The following CLEC16A variants were observed in gnomAD, a reference collection of about 807,000 sequenced individuals.
CLEC16A encodes C-type lectin domain containing 16A.
In CLEC16A, 51 loss-of-function variants were observed where a neutral mutation model predicts 109.5. That is an observed-to-expected ratio of 0.47 (90% CI 0.37 to 0.59). The LOEUF (loss-of-function observed/expected upper bound fraction) is 0.59, where lower values mean the gene tolerates loss of function less well. Among genes scored for constraint, CLEC16A ranks in the 20% least tolerant of loss-of-function variants. CLEC16A has a pLI of 0.00. For synonymous variants in CLEC16A, 673 were observed against 564.2 expected, an observed-to-expected ratio of 1.19 and a Z score of -2.73; for missense variants, 1,339 against 1,394.0, an observed-to-expected ratio of 0.96 and a Z score of 0.63.
chr16:10,944,708 G>T lies in CLEC16A; in HGVS notation c.-10G>T, dbSNP rs1278838022. ...GACCGTGAGACGAGAGACGGGTCGG[G>T]GCCGCCGACATGTTTGGCCGCTCGC... On this transcript the variant is annotated 5_prime_UTR_variant, in exon 1 of 24. Coordinates refer to ENST00000409790, the MANE Select transcript of CLEC16A (RefSeq NM_015226.3). 9 of 1,601,576 alleles carry T rather than the reference G, an allele frequency of 5.6e-6. No individual in the cohort carries two copies. Among genetic ancestry groups the T allele is most frequent in the Non-Finnish European group, 7.7e-6 (9 of 1,174,964 alleles).
chr16:11,046,552 C>T (rs1597189388), intron 16 of CLEC16A, among the ~76,000 whole-genome samples: 1 of 152,064 alleles, frequency 6.6e-6, no homozygotes, highest in Non-Finnish European at 1.5e-5. Context: ...TAGAGATTAC[C>T]ATGACAGTGA....
At chr16:10,985,565 T>C (rs974082237) in intron 10 of CLEC16A, among the ~76,000 whole-genome samples, 4 of 151,358 alleles carry the variant, frequency 2.6e-5, no homozygotes, top group Non-Finnish European at 5.9e-5. Context: ...TTTTTTTAGT[T>C]GCATGATTTC....
chr16:10,949,556 C>T (rs7205474), intron 1 of CLEC16A, among the ~76,000 whole-genome samples: 33,745 of 151,716 alleles, frequency 0.22, 4,640 homozygotes, highest in African/African-American at 0.39. Context: ...GGGGAGTGTT[C>T]ACTGGGTGAA....
chr16:11,113,636 G>T (rs1203660474), intron 19 of CLEC16A, among the ~76,000 whole-genome samples: 1 of 152,128 alleles, frequency 6.6e-6, no homozygotes, highest in Non-Finnish European at 1.5e-5. Context: ...TCCAGCCTGG[G>T]TGACAGAGTG....
intron 19 of CLEC16A, among the ~76,000 whole-genome samples, chr16:11,107,246 A>ATT (rs34729335): frequency 0.028 from 4,244 of 149,500 alleles, 211 homozygotes; most frequent in African/African-American, 0.098. Flanking sequence ...CCACCAGTAC[A>ATT]TTTTTTTTTT....
chr16:10,994,471 C>T (rs1405526328), intron 10 of CLEC16A, among the ~76,000 whole-genome samples: 1 of 152,164 alleles, frequency 6.6e-6, no homozygotes, highest in East Asian at 1.9e-4. Flanking sequence ...CCTTTTTCAG[C>T]CAGTGGCCAA....
chr16:11,120,508 C>G (rs567846704), intron 19 of CLEC16A, 107 bp from the exon 20 acceptor site: 4 of 1,232,854 alleles, frequency 3.2e-6, no homozygotes, highest in East Asian at 2.7e-5. Flanking sequence ...GGCCTGGGCT[C>G]TAACCACTGA....
At chr16:11,071,556 A>G (rs2076889961) in intron 19 of CLEC16A, among the ~76,000 whole-genome samples, 1 of 150,784 alleles carries the variant, frequency 6.6e-6, no homozygotes, top group Non-Finnish European at 1.5e-5. Context: ...ACATTTGCAT[A>G]TGGATTGTGA....
chr16:10,957,569 C>T (rs907970139), intron 1 of CLEC16A, among the ~76,000 whole-genome samples: 1 of 152,188 alleles, frequency 6.6e-6, no homozygotes, highest in African/African-American at 2.4e-5. Context: ...TTCTTGTCTC[C>T]GTCTGGGTTG....
chr16:11,088,540 A>G (rs2050132873), intron 19 of CLEC16A, among the ~76,000 whole-genome samples: 1 of 152,194 alleles, frequency 6.6e-6, no homozygotes, highest in Admixed American at 6.5e-5. Flanking sequence ...ACCCCTGGGT[A>G]GGAAGCTTGG....
rs2068653374 is a variant in CLEC16A, at chr16:11,174,296, C to T, written c.2807-4039C>T. ...AATTCAGGCAGGTCTCCCCTGTGAG[C>T]CGCTCGGGCCGCGACGTCCACTCGC... On this transcript the variant is annotated intron_variant, in intron 23 of 23. Coordinates refer to ENST00000409790, the MANE Select transcript of CLEC16A (RefSeq NM_015226.3). The surrounding 1 kb of genome is among the most constrained non-coding windows in gnomAD (Gnocchi z 4.7). The T allele has an allele frequency of 6.7e-6, 3 of 447,614 alleles. No individual in the cohort carries two copies. Among genetic ancestry groups the T allele is most frequent in the Non-Finnish European group, 1.4e-5 (3 of 217,746 alleles). The allele number at this position is 447,614 out of a possible 1,614,324, so 27.7% of individuals were successfully genotyped here.
intron 11 of CLEC16A, among the ~76,000 whole-genome samples, chr16:11,004,915 C>A (rs1352681382): frequency 6.6e-6 from 1 of 152,152 alleles, no homozygotes; most frequent in Non-Finnish European, 1.5e-5. Flanking sequence ...AGGCCAAACC[C>A]AAGGTAAGCC....
chr16:11,103,451 A>G (rs556439915), intron 19 of CLEC16A, among the ~76,000 whole-genome samples: 2 of 152,258 alleles, frequency 1.3e-5, no homozygotes, highest in South Asian at 2.1e-4. Flanking sequence ...GTGGTGGCGC[A>G]TGCCTGTTGT....
At chr16:10,949,532 C>T (rs180705782) in intron 1 of CLEC16A, among the ~76,000 whole-genome samples, 1 of 152,232 alleles carries the variant, frequency 6.6e-6, no homozygotes, top group Admixed American at 6.5e-5. Flanking sequence ...TGGCAGAACT[C>T]ACGTGGTTCA....
intron 22 of CLEC16A, among the ~76,000 whole-genome samples, chr16:11,147,970 T>C (rs747715083): frequency 3.3e-5 from 5 of 152,236 alleles, no homozygotes; most frequent in Non-Finnish European, 7.3e-5. Flanking sequence ...CCATTTCTTT[T>C]TGACTTTGAG....
intron 11 of CLEC16A, among the ~76,000 whole-genome samples, chr16:11,018,264 C>G (rs2045881971): frequency 6.9e-6 from 1 of 144,600 alleles, no homozygotes; most frequent in Non-Finnish European, 1.5e-5. Context: ...GGCTGGGTGT[C>G]AGAGCAAGAC....
rs59547466 is a variant in CLEC16A at position 10,986,012 on chromosome 16, A to ATTTTTTTTTTTT, written c.1071+3046_1071+3057dup. Among the ~76,000 whole-genome samples, 26 of 43,454 alleles carry ATTTTTTTTTTTT rather than the reference A, an allele frequency of 6.0e-4. 6 individuals carry two copies. The highest frequency in any genetic ancestry group is 2.3e-3 in the African/African-American group (20 of 8,822). The allele number at this position is 43,454 out of a possible 152,430, so 28.5% of individuals were successfully genotyped here. A position where few individuals can be genotyped will look rare whatever the true frequency, so the allele number is the denominator to read the frequency against. On this transcript the variant is annotated intron_variant, in intron 10 of 23. Transcript: ENST00000409790. ...TGAGACACTGCACCTGGCCTGCAGA[A>ATTTTTTTTTTTT]TTTTTTTTTTTTTTTTTTTTTTTTT...
intron 2 of CLEC16A, among the ~76,000 whole-genome samples, chr16:10,962,062 C>T (rs2042274275): frequency 6.6e-6 from 1 of 150,416 alleles, no homozygotes; most frequent in South Asian, 2.1e-4. Context: ...AAGCGGTCCT[C>T]CCACCTTAGC....
intron 13 of CLEC16A, chr16:11,027,580 A>G (rs2046484054): frequency 6.4e-7 from 1 of 1,557,230 alleles, no homozygotes; most frequent in Non-Finnish European, 8.7e-7. Flanking sequence ...ATTTGCTTGG[A>G]AGACCTCATT....
Sources: allele counts gnomAD v4.1 joint callset (sites outside exome capture counted in the v4.1 genomes callset), GRCh38; gene constraint gnomAD v4.1.1; non-coding constraint Gnocchi (gnomAD v3.1); transcripts MANE v1.5; gene names NCBI Gene and HGNC (gene_info 2026-07-23, HGNC 2026-07-21).